ARHGEF26: variants seen among roughly 807,000 people sequenced by gnomAD.
The protein encoded by ARHGEF26 is Rho guanine nucleotide exchange factor 26.
A neutral mutation model predicts 89.4 loss-of-function variants in ARHGEF26; 59 were observed. The ratio of observed to expected loss-of-function variants is 0.66; its 90% CI spans 0.54 to 0.82. The LOEUF (loss-of-function observed/expected upper bound fraction) is 0.82. ARHGEF26 is among the 40% of genes least tolerant of loss of function. The probability of loss-of-function intolerance (pLI) is 0.00; values close to 1 mark genes in which losing one functional copy is unlikely to be tolerated. For synonymous variants in ARHGEF26, 500 were observed against 428.4 expected (o/e 1.17, Z -2.06); for missense variants, 1,234 against 1,085.6 (o/e 1.14, Z -1.92).
At chr3:154,128,464 C>A (rs911794766) in intron 3 of ARHGEF26, among the ~76,000 whole-genome samples, 5 of 152,138 alleles carry the variant, frequency 3.3e-5, no homozygotes, top group Admixed American at 2.6e-4. Flanking sequence ...GTCTCGAACT[C>A]CTGACCTCAA....
rs192729126 is a variant in ARHGEF26, at chr3:154,155,705, C to G, written c.1487+2773C>G. 7.1e-4 allele frequency among the ~76,000 whole-genome samples: 107 copies of G among 151,324 alleles called. 1 individual carries two copies. The highest frequency in any genetic ancestry group is 5.7e-3 in the Admixed American group (87 of 15,152). ...CTTTTCAATAGAGTATGTATGTATC[C>G]TTAAATAGACTGCCCTCAGTGAACA... On this transcript the variant is annotated intron_variant, in intron 6 of 14. Transcript: ENST00000465093.
chr3:154,226,103 G>A (rs1716468488), intron 11 of ARHGEF26, 93 bp downstream of exon 11: 1 of 1,121,058 alleles, frequency 8.9e-7, no homozygotes, highest in Admixed American at 3.4e-5. Flanking sequence ...TTAAAAGCTA[G>A]AAATGTTGGA....
At chr3:154,162,700 G>T (rs1486649801) in intron 6 of ARHGEF26, among the ~76,000 whole-genome samples, 3 of 152,014 alleles carry the variant, frequency 2.0e-5, no homozygotes, top group African/African-American at 7.2e-5. Flanking sequence ...AATGAATGTG[G>T]GTGTGTGAGA....
intron 3 of ARHGEF26, among the ~76,000 whole-genome samples, chr3:154,124,786 A>C (rs551043160): frequency 1.3e-5 from 2 of 152,246 alleles, no homozygotes; most frequent in East Asian, 3.9e-4. Context: ...TGGCATTTAG[A>C]TCTGAAGTCA....
At chr3:154,250,634 A>G (rs2108299419) in intron 12 of ARHGEF26, among the ~76,000 whole-genome samples, 1 of 152,330 alleles carries the variant, frequency 6.6e-6, no homozygotes, top group East Asian at 1.9e-4. Context: ...GTGTACAGGA[A>G]GATCTGCCTC....
intron 9 of ARHGEF26, among the ~76,000 whole-genome samples, chr3:154,209,958 C>G (rs1303938069): frequency 6.6e-6 from 1 of 152,204 alleles, no homozygotes; most frequent in Admixed American, 6.5e-5. Context: ...CCACTCAAAC[C>G]ACAAGATGCA....
chr3:154,208,353 C>A (rs1015673633), intron 9 of ARHGEF26, among the ~76,000 whole-genome samples: 3 of 152,132 alleles, frequency 2.0e-5, no homozygotes, highest in Admixed American at 2.0e-4. Flanking sequence ...CAGCCTCTTG[C>A]TGCTTTCAGG....
intron 12 of ARHGEF26, 93 bp from the exon 13 acceptor site, chr3:154,253,023 T>A (rs1056738795): frequency 9.4e-6 from 13 of 1,383,194 alleles, no homozygotes; most frequent in Non-Finnish European, 1.3e-5. Context: ...TCTCTTGTTT[T>A]CTGGGAGTGC....
intron 12 of ARHGEF26, among the ~76,000 whole-genome samples, chr3:154,244,692 A>G (rs1717689831): frequency 6.6e-6 from 1 of 151,644 alleles, no homozygotes. Flanking sequence ...ATCAATAACA[A>G]ATTATAAATA....
Position 154,255,909 on chromosome 3 carries a change from G to T in ARHGEF26, c.*436G>T. On this transcript the variant is annotated 3_prime_UTR_variant, in exon 15 of 15. Coordinates refer to ENST00000465093, the MANE Select transcript of ARHGEF26 (RefSeq NM_015595.4). ...ATATCTGTAAAGAATGTCCAGTTTT[G>T]TAAATATTTCCCTGCCTTTTTTTTT... 1 of 988,556 alleles carries T rather than the reference G, an allele frequency of 1.0e-6. No homozygotes were observed. The highest frequency in any genetic ancestry group is 1.2e-6 in the Non-Finnish European group (1 of 832,008). 61.2% of individuals were successfully genotyped at this position (988,556 alleles called of 1,614,324 possible).
At chr3:154,252,004 T>C (rs923333676) in intron 12 of ARHGEF26, among the ~76,000 whole-genome samples, 10 of 151,994 alleles carry the variant, frequency 6.6e-5, no homozygotes, top group Admixed American at 6.6e-4. Context: ...AGGGAAGGAA[T>C]AGGAAAGGCT....
intron 4 of ARHGEF26, among the ~76,000 whole-genome samples, chr3:154,138,142 C>T (rs918460541): frequency 3.3e-5 from 5 of 152,104 alleles, no homozygotes; most frequent in Non-Finnish European, 7.3e-5. Flanking sequence ...TGCATTTAGC[C>T]ATCTTTACTG....
rs764461796 is a variant in ARHGEF26, at chr3:154,256,444, T to TAAC, written c.*972_*974dup. ...CATCATGTTGGCCAGGATGGTCTCTTAACTCCTGCCCTCAAGTGATCCACC... is the reference window on the plus strand; with the variant it reads ...CATCATGTTGGCCAGGATGGTCTCTTAACAACTCCTGCCCTCAAGTGATCCACC... On this transcript the variant is annotated 3_prime_UTR_variant, in exon 15 of 15. Transcript: ENST00000465093. The TAAC allele has an allele frequency of 5.6e-5, 47 of 839,152 alleles. No homozygotes were observed. Among genetic ancestry groups the TAAC allele is most frequent in the Non-Finnish European group, 6.4e-5 (45 of 698,600 alleles). 52.0% of individuals were successfully genotyped at this position (839,152 alleles called of 1,614,324 possible). A position where few individuals can be genotyped will look rare whatever the true frequency, so the allele number is the denominator to read the frequency against.
intron 12 of ARHGEF26, among the ~76,000 whole-genome samples, chr3:154,247,618 C>G (rs1318114517): frequency 6.8e-6 from 1 of 147,882 alleles, no homozygotes; most frequent in African/African-American, 2.5e-5. Context: ...TTATAACTAG[C>G]TTTTCTCTAT....
At chr3:154,140,769 C>G (rs566137787) in intron 4 of ARHGEF26, among the ~76,000 whole-genome samples, 2 of 151,858 alleles carry the variant, frequency 1.3e-5, no homozygotes, top group Admixed American at 6.6e-5. Flanking sequence ...TTAATAGAGA[C>G]AGGGTTTTGT....
intron 7 of ARHGEF26, 112 bp downstream of exon 7, chr3:154,187,949 G>C: frequency 9.4e-7 from 1 of 1,066,728 alleles, no homozygotes; most frequent in Non-Finnish European, 1.3e-6. Flanking sequence ...CTCCTGATAG[G>C]CTATTTCCCA....
At chr3:154,170,739 G>T (rs1712379011) in intron 6 of ARHGEF26, among the ~76,000 whole-genome samples, 1 of 152,200 alleles carries the variant, frequency 6.6e-6, no homozygotes, top group Admixed American at 6.5e-5. Flanking sequence ...CTGGTATACA[G>T]TTAGTGCTTT....
At chr3:154,125,714 A>G (rs1718289275) in intron 3 of ARHGEF26, among the ~76,000 whole-genome samples, 1 of 152,104 alleles carries the variant, frequency 6.6e-6, no homozygotes, top group Admixed American at 6.5e-5. Flanking sequence ...GTTTTACGTT[A>G]TTTCCTTTTA....
chr3:154,222,796 C>T (rs1228274380), intron 10 of ARHGEF26, among the ~76,000 whole-genome samples: 1 of 151,992 alleles, frequency 6.6e-6, no homozygotes, highest in African/African-American at 2.4e-5. Flanking sequence ...TGTGAATAGT[C>T]TTCAGGATAG....
Sources: allele counts gnomAD v4.1 joint callset (sites outside exome capture counted in the v4.1 genomes callset), GRCh38; gene constraint gnomAD v4.1.1; transcripts MANE v1.5; gene names NCBI Gene and HGNC (gene_info 2026-07-23, HGNC 2026-07-21).